STAB2: variants seen among roughly 807,000 people sequenced by gnomAD.
STAB2 encodes stabilin-2.
Under a neutral mutation model 338.1 loss-of-function variants are expected in STAB2, and 288 were observed. The observed-to-expected ratio is 0.85, with a 90% CI of 0.77 to 0.94. The LOEUF is 0.94. STAB2 is among the 40% of genes least tolerant of loss of function. The pLI, the probability that STAB2 is intolerant of heterozygous loss-of-function variation, is 0.00. For missense variants in STAB2, 3,141 were observed against 3,210.1 expected (o/e 0.98, Z 0.52); for synonymous variants, 1,202 against 1,193.3 (o/e 1.01, Z -0.15).
intron 25 of STAB2, among the ~76,000 whole-genome samples, chr12:103,679,551 G>A: frequency 6.6e-6 from 1 of 152,054 alleles, no homozygotes; most frequent in East Asian, 1.9e-4. Flanking sequence ...TTTACAGCTA[G>A]GGTAAACTAT....
intron 33 of STAB2, among the ~76,000 whole-genome samples, chr12:103,698,110 G>A (rs1878556283): frequency 6.6e-6 from 1 of 152,166 alleles, no homozygotes; most frequent in South Asian, 2.1e-4. Context: ...GAGAGAACAG[G>A]AAGGACTGAG....
intron 9 of STAB2, among the ~76,000 whole-genome samples, chr12:103,645,009 A>G (rs1254363833): frequency 2.0e-5 from 3 of 152,250 alleles, no homozygotes; most frequent in African/African-American, 4.8e-5. Context: ...GAGAATTTGG[A>G]GGAACAAATG....
At position 103,674,043 on chromosome 12, in the gene STAB2, C is replaced by A. The variant is rs778614755; in HGVS notation, c.2508C>A (p.Phe836Leu). The change falls in exon 23 of 69, where the codon TTC becomes TTA. Residue 836 changes from phenylalanine to leucine, a missense_variant. Transcript: ENST00000388887. ...CAGCCTGTGGGCCCTACGTGCAGTT[C>A]TGTCACATCCACGCCACCTGTGAAT... ...QTSACGPYVQ[F>L]CHIHATCEYS... is the part of the protein sequence containing the mutation. The A allele has an allele frequency of 4.3e-6, 7 of 1,613,836 alleles. No individual in the cohort carries two copies. The highest frequency in any genetic ancestry group is 5.9e-6 in the Non-Finnish European group (7 of 1,179,806).
intron 25 of STAB2, among the ~76,000 whole-genome samples, chr12:103,681,569 T>C (rs1876901098): frequency 6.6e-6 from 1 of 151,664 alleles, no homozygotes; most frequent in Non-Finnish European, 1.5e-5. Context: ...CACGTTCAGA[T>C]GTTGTTCTCC....
intron 44 of STAB2, among the ~76,000 whole-genome samples, chr12:103,722,253 C>T (rs1880827464): frequency 6.6e-6 from 1 of 152,080 alleles, no homozygotes; most frequent in Non-Finnish European, 1.5e-5. Flanking sequence ...GTAAAAAAGC[C>T]CACAATGTGG....
intron 25 of STAB2, among the ~76,000 whole-genome samples, chr12:103,680,854 C>T (rs1430614059): frequency 6.6e-6 from 1 of 152,194 alleles, no homozygotes. Context: ...CAAAATGAAA[C>T]AGATGTTCCC....
At chr12:103,668,957 C>A in intron 20 of STAB2, 1 of 443,496 alleles carries the variant, frequency 2.3e-6, no homozygotes, top group Non-Finnish European at 4.0e-6. Context: ...ACACTCTTAA[C>A]ACTTCCCCAC....
intron 57 of STAB2, among the ~76,000 whole-genome samples, chr12:103,746,157 C>T (rs1250041169): frequency 6.6e-6 from 1 of 152,146 alleles, no homozygotes; most frequent in Non-Finnish European, 1.5e-5. Flanking sequence ...CCTGCATGCA[C>T]TGTAACCCCA....
At position 103,690,537 on chromosome 12, in the gene STAB2, G is replaced by C. The variant is rs1877842413; in HGVS notation, c.3296G>C (p.Gly1099Ala). 2 of 1,611,864 alleles carry C rather than the reference G, an allele frequency of 1.2e-6. No homozygotes were observed. Among genetic ancestry groups the C allele is most frequent in the Non-Finnish European group, 1.7e-6 (2 of 1,179,072 alleles). The change falls in exon 30 of 69, where the codon GGG (glycine) becomes GCG (alanine). Residue 1099 changes from glycine to alanine, a missense_variant and splice_region_variant. By Grantham distance (60) the Gly-to-Ala change is moderately conservative. Transcript: ENST00000388887. Reference sequence around the variant, plus strand: ...TTCCTTCACTTGGCAAAGGTGGATGGGGTAAGAGCTCTGGAATTTGTCTGT... The same window carrying C: ...TTCCTTCACTTGGCAAAGGTGGATGCGGTAAGAGCTCTGGAATTTGTCTGT... ...GNFLHLAKVDGNITIEGASIV... is the reference protein window; with the variant it reads ...GNFLHLAKVDANITIEGASIV...
chr12:103,666,614 C>G (rs1358214181), intron 19 of STAB2, among the ~76,000 whole-genome samples: 1 of 152,218 alleles, frequency 6.6e-6, no homozygotes, highest in Non-Finnish European at 1.5e-5. Flanking sequence ...AAAAGATTCA[C>G]ATAGATAAAA....
In STAB2 at chr12:103,677,540, A is replaced by G. The variant is rs375825328; in HGVS notation, c.2734A>G (p.Asn912Asp). The change falls in exon 25 of 69, where the codon AAC (asparagine) becomes GAC (aspartate). Residue 912 changes from asparagine to aspartate, a missense_variant. Physicochemically the swap from Asn to Asp is conservative, Grantham distance 23. Transcript: ENST00000388887. Reference protein sequence around the residue: ...TGNGRDCSEINNCLLPSAGGC... With the variant: ...TGNGRDCSEIDNCLLPSAGGC... ...GAATGGGAGAGACTGCTCGGAGATC[A>G]ACAACTGCCTGCTGCCCAGTGCAGG... is the stretch of plus-strand genomic sequence containing the variant. The G allele has an allele frequency of 6.8e-6, 11 of 1,614,198 alleles. No homozygotes were observed. The highest frequency in any genetic ancestry group is 7.6e-6 in the Non-Finnish European group (9 of 1,180,008).
intron 26 of STAB2, 122 bp from the exon 27 acceptor site, chr12:103,684,867 C>A: frequency 1.2e-6 from 1 of 806,598 alleles, no homozygotes; most frequent in Non-Finnish European, 2.0e-6. Context: ...TGGGTTACTT[C>A]TACCATCTTT....
intron 67 of STAB2, chr12:103,763,215 C>T (rs1884672536): frequency 2.9e-6 from 1 of 346,210 alleles, no homozygotes; most frequent in Non-Finnish European, 5.3e-6. Flanking sequence ...GTGGCAGGCA[C>T]CAGCAGGCTA....
chr12:103,605,751 A>G (rs1297066118), intron 3 of STAB2, among the ~76,000 whole-genome samples: 1 of 152,166 alleles, frequency 6.6e-6, no homozygotes, highest in East Asian at 1.9e-4. Flanking sequence ...TGTTAATTTG[A>G]AATCTACTTC....
At chr12:103,676,065 T>TC in intron 24 of STAB2, 44 bp downstream of exon 24, 1 of 1,390,434 alleles carries the variant, frequency 7.2e-7, no homozygotes, top group East Asian at 2.4e-5. Context: ...TTTCTTTTTT[T>TC]TTTTTTTTTT....
intron 3 of STAB2, among the ~76,000 whole-genome samples, chr12:103,608,264 G>C (rs1314376005): frequency 1.3e-5 from 2 of 152,062 alleles, no homozygotes; most frequent in Non-Finnish European, 2.9e-5. Context: ...TCAGCCTCCT[G>C]AGTAGCTAGG....
chr12:103,753,804 A>G (rs11111747), intron 61 of STAB2, among the ~76,000 whole-genome samples: 31,159 of 152,184 alleles, frequency 0.2, 3,563 homozygotes, highest in Non-Finnish European at 0.25. Context: ...CCAGAAAGAC[A>G]GCAATACCCA....
At chr12:103,676,356 C>T (rs1055353424) in intron 24 of STAB2, among the ~76,000 whole-genome samples, 14 of 152,198 alleles carry the variant, frequency 9.2e-5, no homozygotes, top group African/African-American at 3.4e-4. Context: ...CGCGCCCAGC[C>T]CTGCCTGGTT....
chr12:103,636,231 T>C (rs920375737), intron 6 of STAB2, among the ~76,000 whole-genome samples: 1 of 137,548 alleles, frequency 7.3e-6, no homozygotes, highest in African/African-American at 2.7e-5. Context: ...CGGTGTGTGA[T>C]GTTCCCCTTC....
Sources: allele counts gnomAD v4.1 joint callset (sites outside exome capture counted in the v4.1 genomes callset), GRCh38; gene constraint gnomAD v4.1.1; transcripts MANE v1.5; gene names NCBI Gene and HGNC (gene_info 2026-07-23, HGNC 2026-07-21).